Variants in IRS1 observed in about 807,000 individuals in gnomAD.
The protein encoded by IRS1 is insulin receptor substrate 1.
A neutral mutation model predicts 65.6 loss-of-function variants in IRS1; 34 were observed. The ratio of observed to expected loss-of-function variants is 0.52; its 90% CI spans 0.39 to 0.69. The LOEUF (loss-of-function observed/expected upper bound fraction) is 0.69, where lower values mean the gene tolerates loss of function less well. IRS1 is among the 30% of genes least tolerant of loss of function. The pLI is 0.00. For synonymous variants in IRS1, 699 were observed against 683.5 expected, an observed-to-expected ratio of 1.02 and a Z score of -0.35; for missense variants, 1,641 against 1,720.2, an observed-to-expected ratio of 0.95 and a Z score of 0.81.
At chr2:226,750,846 G>T (rs1938664601) in intron 1 of IRS1, among the ~76,000 whole-genome samples, 1 of 152,184 alleles carries the variant, frequency 6.6e-6, no homozygotes, top group African/African-American at 2.4e-5. Context: ...TTAAAGTGCG[G>T]ATTCTGCTTC....
intron 1 of IRS1, among the ~76,000 whole-genome samples, chr2:226,790,693 G>A (rs1383253919): frequency 1.3e-5 from 2 of 152,166 alleles, no homozygotes; most frequent in Non-Finnish European, 2.9e-5. Flanking sequence ...ATGTTGGCTG[G>A]TGAGAAATGC....
Position 226,796,648 on chromosome 2 carries a change from C to T in IRS1, c.2091G>A (p.Lys697=). The T allele has an allele frequency of 2.5e-6, 4 of 1,613,982 alleles. No individual in the cohort carries two copies. Among genetic ancestry groups the T allele is most frequent in the Middle Eastern group, 1.6e-4 (1 of 6,062 alleles). The change falls in exon 1 of 2, where the codon AAG becomes AAA. Residue 697 remains lysine, a synonymous_variant. Coordinates refer to ENST00000305123, the MANE Select transcript of IRS1 (RefSeq NM_005544.3). ...NAVPSGTSYG[K]LWTNGVGGHH... ...GGCCCCCTACCCCGTTTGTCCACAG[C>T]TTTCCATAGCTGGTCCCGGAAGGGA...
intron 1 of IRS1, among the ~76,000 whole-genome samples, chr2:226,776,830 C>T (rs1031788703): frequency 6.6e-6 from 1 of 152,162 alleles, no homozygotes; most frequent in Non-Finnish European, 1.5e-5. Context: ...CGCTGGAATC[C>T]AGGAGGCAGA....
At position 226,794,911 on chromosome 2, in the gene IRS1, G is replaced by C. The variant is rs1316572868; in HGVS notation, c.*21+78C>G. ...GGAAGCAGTGGGAAAGAACAGGAAG[G>C]GGCAGAGGCGAAGAACAGAATTCAA... On this transcript the variant is annotated intron_variant, in intron 1 of 1. Transcript: ENST00000305123. The surrounding 1 kb of genome is among the most constrained non-coding windows in gnomAD (Gnocchi z 4.1). The C allele has an allele frequency of 5.6e-6, 7 of 1,256,752 alleles. No homozygotes were observed. The highest frequency in any genetic ancestry group is 1.9e-4 in the Middle Eastern group (1 of 5,354). 77.9% of individuals were successfully genotyped at this position (1,256,752 alleles called of 1,614,324 possible). A position where few individuals can be genotyped will look rare whatever the true frequency, so the allele number is the denominator to read the frequency against.
intron 1 of IRS1, among the ~76,000 whole-genome samples, chr2:226,739,976 A>G (rs567028910): frequency 6.6e-6 from 1 of 152,392 alleles, no homozygotes; most frequent in South Asian, 2.1e-4. Context: ...CTTTATATAT[A>G]CACCACTTCA....
chr2:226,765,203 T>C (rs1430307090), intron 1 of IRS1, among the ~76,000 whole-genome samples: 3 of 152,194 alleles, frequency 2.0e-5, no homozygotes, highest in African/African-American at 7.2e-5. Context: ...TTACGAGTAG[T>C]TGGGGCTATA....
intron 1 of IRS1, among the ~76,000 whole-genome samples, chr2:226,749,845 C>A (rs1355295171): frequency 1.3e-5 from 2 of 152,128 alleles, no homozygotes; most frequent in Non-Finnish European, 2.9e-5. Context: ...TACCACGTGA[C>A]CAAGTCACCA....
chr2:226,740,094 C>T (rs1938408677), intron 1 of IRS1, among the ~76,000 whole-genome samples: 1 of 152,180 alleles, frequency 6.6e-6, no homozygotes, highest in South Asian at 2.1e-4. Flanking sequence ...AACAAAAAGG[C>T]AAAACATTTC....
intron 1 of IRS1, among the ~76,000 whole-genome samples, chr2:226,764,568 A>C (rs1042103970): frequency 6.6e-6 from 1 of 152,184 alleles, no homozygotes; most frequent in Non-Finnish European, 1.5e-5. Flanking sequence ...ATTTACCTAC[A>C]GAGAGACTTT....
At chr2:226,752,387 A>G (rs1211724337) in intron 1 of IRS1, among the ~76,000 whole-genome samples, 1 of 152,240 alleles carries the variant, frequency 6.6e-6, no homozygotes, top group East Asian at 1.9e-4. Flanking sequence ...AACAGCACAC[A>G]CTTCAGCTCT....
intron 1 of IRS1, among the ~76,000 whole-genome samples, chr2:226,752,867 A>C (rs1466253957): frequency 6.6e-6 from 1 of 152,228 alleles, no homozygotes; most frequent in African/African-American, 2.4e-5. Context: ...GACCTCGGGC[A>C]CTTGATCAGC....
At position 226,799,724 on chromosome 2, in the gene IRS1, G is replaced by A; in HGVS notation, c.-986C>T. The A allele has an allele frequency of 1.0e-6, 1 of 999,616 alleles. No homozygotes were observed. The highest frequency in any genetic ancestry group is 1.2e-6 in the Non-Finnish European group (1 of 830,094). 61.9% of individuals were successfully genotyped at this position (999,616 alleles called of 1,614,324 possible). A position where few individuals can be genotyped will look rare whatever the true frequency, so the allele number is the denominator to read the frequency against. Reference sequence around the variant, plus strand: ...CCAACCAAAACAAGCGGCGGCGTCTGGCTCTGCGCGCCGGCCCCCTCCGAC... The same window carrying A: ...CCAACCAAAACAAGCGGCGGCGTCTAGCTCTGCGCGCCGGCCCCCTCCGAC... On this transcript the variant is annotated 5_prime_UTR_variant, in exon 1 of 2. Coordinates refer to ENST00000305123, the MANE Select transcript of IRS1 (RefSeq NM_005544.3). This position sits in a 1 kb window ranked among gnomAD's most constrained non-coding sequence, Gnocchi z 6.1.
At position 226,732,318 on chromosome 2, in the gene IRS1, T is replaced by A. The variant is rs1938236872; in HGVS notation, c.*3954A>T. 1.3e-5 allele frequency: 2 copies of A among 152,014 alleles called. No homozygotes were observed. The highest frequency in any genetic ancestry group is 4.1e-4 in the South Asian group (2 of 4,828). The allele number at this position is 152,014 out of a possible 1,614,324, so 9.4% of individuals were successfully genotyped here. A position where few individuals can be genotyped will look rare whatever the true frequency, so the allele number is the denominator to read the frequency against. On this transcript the variant is annotated 3_prime_UTR_variant, in exon 2 of 2. Transcript: ENST00000305123. ...AAAGGACCCATGGCCCCAGTGTTTA[T>A]CCTCGGTGTTCTACTCACTATGAAG...
intron 1 of IRS1, among the ~76,000 whole-genome samples, chr2:226,745,071 C>G (rs1173912976): frequency 6.6e-6 from 1 of 152,142 alleles, no homozygotes; most frequent in African/African-American, 2.4e-5. Flanking sequence ...ATTTGCTTTA[C>G]CTGAAGAATA....
intron 1 of IRS1, among the ~76,000 whole-genome samples, chr2:226,783,287 C>G (rs140319422): frequency 6.6e-6 from 1 of 152,312 alleles, no homozygotes; most frequent in African/African-American, 2.4e-5. Context: ...ATGTGTTTCT[C>G]CTTTACAAAC....
chr2:226,794,155 C>T lies in IRS1; in HGVS notation c.*21+834G>A, dbSNP rs190398304. Among the ~76,000 whole-genome samples the T allele has an allele frequency of 7.9e-5, 12 of 152,258 alleles. No homozygotes were observed. The highest frequency in any genetic ancestry group is 6.5e-4 in the Admixed American group (10 of 15,290). ...CCCCCAAATGATATCTGTAATGTCT[C>T]AGTGCAAGAAGAGATAACTATAAGG... On this transcript the variant is annotated intron_variant, in intron 1 of 1. Transcript: ENST00000305123. This position sits in a 1 kb window ranked among gnomAD's most constrained non-coding sequence, Gnocchi z 4.1.
chr2:226,759,264 T>C (rs1938866338), intron 1 of IRS1, among the ~76,000 whole-genome samples: 1 of 152,208 alleles, frequency 6.6e-6, no homozygotes, highest in Non-Finnish European at 1.5e-5. Flanking sequence ...TGCTGGAAAA[T>C]GGAAAAATTC....
chr2:226,751,632 G>A (rs774890499), intron 1 of IRS1, among the ~76,000 whole-genome samples: 1 of 151,958 alleles, frequency 6.6e-6, no homozygotes, highest in Non-Finnish European at 1.5e-5. Context: ...GAGAAAGGAG[G>A]GCCCAGTGAC....
At chr2:226,770,075 G>C (rs982611378) in intron 1 of IRS1, among the ~76,000 whole-genome samples, 5 of 152,138 alleles carry the variant, frequency 3.3e-5, no homozygotes, top group African/African-American at 1.2e-4. Flanking sequence ...TTTATGACTA[G>C]GGTTGACTAT....
Sources: gnomAD v4.1 joint callset for allele counts (sites outside exome capture counted in the v4.1 genomes callset) on GRCh38, gnomAD v4.1.1 for gene constraint, Gnocchi (gnomAD v3.1) non-coding constraint, MANE v1.5 for transcripts, NCBI Gene and HGNC (gene_info 2026-07-23, HGNC 2026-07-21) for gene names.